Variants in PSD3 observed in about 807,000 individuals in gnomAD.
The protein encoded by PSD3 is pleckstrin and Sec7 domain containing 3, also known as PH and SEC7 domain-containing protein 3.
A neutral mutation model predicts 105.5 loss-of-function variants in PSD3; 49 were observed. The ratio of observed to expected loss-of-function variants is 0.46; its 90% CI spans 0.37 to 0.59. The LOEUF is 0.59. PSD3 is among the 20% of genes least tolerant of loss of function. The pLI, the probability that PSD3 is intolerant of heterozygous loss-of-function variation, is 0.00. For missense variants in PSD3, 1,561 were observed against 1,263.8 expected (o/e 1.24, Z -3.57); for synonymous variants, 557 against 457.8 (o/e 1.22, Z -2.77).
At chr8:19,061,246 C>T (rs968767322) in intron 1 of PSD3, among the ~76,000 whole-genome samples, 38 of 151,980 alleles carry the variant, frequency 2.5e-4, no homozygotes, top group Admixed American at 2.5e-3. Flanking sequence ...ATTGAGAAAA[C>T]AAACAAACAA....
chr8:18,619,993 G>T (rs11785213), intron 11 of PSD3, among the ~76,000 whole-genome samples: 1 of 152,196 alleles, frequency 6.6e-6, no homozygotes, highest in East Asian at 1.9e-4. Flanking sequence ...TCAAAAGTCT[G>T]AAAAGAGACA....
At chr8:18,572,328 G>A (rs760375700) in intron 14 of PSD3, among the ~76,000 whole-genome samples, 200 bp downstream of exon 14, 1 of 152,148 alleles carries the variant, frequency 6.6e-6, no homozygotes, top group East Asian at 1.9e-4. Context: ...CCTACTAACT[G>A]AGACTCAATT....
chr8:18,839,199 C>G (rs566282320), intron 4 of PSD3, among the ~76,000 whole-genome samples: 17 of 152,158 alleles, frequency 1.1e-4, no homozygotes, highest in African/African-American at 4.1e-4. Flanking sequence ...ATACCATTTA[C>G]AAGTGTAAAT....
At chr8:18,896,216 T>C (rs1024685048) in intron 2 of PSD3, among the ~76,000 whole-genome samples, 1 of 152,280 alleles carries the variant, frequency 6.6e-6, no homozygotes, top group African/African-American at 2.4e-5. Flanking sequence ...TGCTTTCATC[T>C]GCTGATGGAC....
intron 1 of PSD3, among the ~76,000 whole-genome samples, chr8:18,970,828 A>G (rs777525416): frequency 1.3e-5 from 2 of 151,848 alleles, no homozygotes; most frequent in Non-Finnish European, 2.9e-5. Flanking sequence ...GGCGGTGTGC[A>G]CCTGTAGTAC....
intron 2 of PSD3, among the ~76,000 whole-genome samples, chr8:18,903,889 C>T (rs1819671269): frequency 6.6e-6 from 1 of 152,112 alleles, no homozygotes; most frequent in African/African-American, 2.4e-5. Context: ...AGTACTGTTT[C>T]CCCAGGAGAA....
At chr8:18,944,961 G>A (rs926063551) in intron 1 of PSD3, among the ~76,000 whole-genome samples, 1 of 152,012 alleles carries the variant, frequency 6.6e-6, no homozygotes, top group African/African-American at 2.4e-5. Flanking sequence ...AACAAAACTG[G>A]TTCCTTTCGA....
chr8:18,544,680 T>C (rs1387995985), intron 15 of PSD3, among the ~76,000 whole-genome samples: 3 of 152,196 alleles, frequency 2.0e-5, no homozygotes, highest in Non-Finnish European at 4.4e-5. Context: ...TACTTTTTAA[T>C]ATAATGGTAC....
chr8:18,697,196 A>G lies in PSD3; in HGVS notation c.2173-41511T>C, dbSNP rs76133995. ...CTGGTGTGTATTTTACACTCCCAGA[A>G]TATCTCAATTTGGACTAGCCAGGTA... is the stretch of plus-strand genomic sequence containing the variant. On this transcript the variant is annotated intron_variant, in intron 9 of 15. Transcript: ENST00000327040. 7.6e-3 allele frequency among the ~76,000 whole-genome samples: 1,155 copies of G among 152,338 alleles called. 11 individuals carry two copies. Among genetic ancestry groups the G allele is most frequent in the South Asian group, 0.029 (142 of 4,820 alleles).
chr8:18,779,598 C>G (rs1411246280), intron 8 of PSD3, among the ~76,000 whole-genome samples: 2 of 152,088 alleles, frequency 1.3e-5, no homozygotes, highest in African/African-American at 4.8e-5. Flanking sequence ...ATCCTTTTAT[C>G]ATGGCTTTTG....
chr8:18,809,027 C>G, intron 4 of PSD3: 1 of 998,500 alleles, frequency 1.0e-6, no homozygotes, highest in African/African-American at 1.6e-5. Context: ...CTATCGAGAA[C>G]GTAAGAAACA....
chr8:19,074,997 G>C (rs370975238), intron 1 of PSD3, among the ~76,000 whole-genome samples: 1 of 151,184 alleles, frequency 6.6e-6, no homozygotes, highest in African/African-American at 2.4e-5. Context: ...CCAGACTGGA[G>C]TACAGTGGTG....
chr8:18,899,037 G>A (rs1311736713), intron 2 of PSD3, among the ~76,000 whole-genome samples: 4 of 152,096 alleles, frequency 2.6e-5, no homozygotes, highest in Admixed American at 2.0e-4. Flanking sequence ...TGATAGAAGG[G>A]TCAACATCAT....
At chr8:18,853,176 G>A (rs760517000) in intron 4 of PSD3, among the ~76,000 whole-genome samples, 3 of 151,970 alleles carry the variant, frequency 2.0e-5, no homozygotes, top group Non-Finnish European at 4.4e-5. Context: ...CCAAACAGAA[G>A]AGGCAAAATT....
chr8:18,722,772 C>G (rs1047391508), intron 9 of PSD3, among the ~76,000 whole-genome samples: 1 of 152,180 alleles, frequency 6.6e-6, no homozygotes, highest in South Asian at 2.1e-4. Context: ...CCCCTTCCAT[C>G]TGCCTAAATC....
intron 1 of PSD3, among the ~76,000 whole-genome samples, chr8:19,073,773 A>T (rs1052328215): frequency 1.3e-5 from 2 of 148,892 alleles, no homozygotes; most frequent in Non-Finnish European, 3.0e-5. Flanking sequence ...CTATTCAAAC[A>T]TCAGAATTGT....
chr8:18,945,014 C>T (rs1563449524), intron 1 of PSD3, among the ~76,000 whole-genome samples: 1 of 152,094 alleles, frequency 6.6e-6, no homozygotes, highest in Admixed American at 6.6e-5. Flanking sequence ...ACTAGCTGTG[C>T]TTACTGTTAT....
Position 18,804,579 on chromosome 8 carries a change from G to C in PSD3, c.1853C>G (p.Ala618Gly), listed in dbSNP as rs752487150. 1 of 1,613,420 alleles carries C rather than the reference G, an allele frequency of 6.2e-7. No individual in the cohort carries two copies. The change falls in exon 6 of 16, where the codon GCA becomes GGA. Residue 618 changes from alanine (A) to glycine (G), a missense_variant. By Grantham distance (60) the Ala-to-Gly change is moderately conservative (BLOSUM62 0). Coordinates refer to ENST00000327040, the MANE Select transcript of PSD3 (RefSeq NM_015310.4). ...ATCAAAAAACTTCAGATATTCTTCTGCAACTAGTTTGCTAAATTCGTTGCT... is the reference window on the plus strand; with the variant it reads ...ATCAAAAAACTTCAGATATTCTTCTCCAACTAGTTTGCTAAATTCGTTGCT... ...GKNNEFSKLV[A>G]EEYLKFFDFT...
chr8:18,587,918 G>C (rs1270729174), intron 12 of PSD3, among the ~76,000 whole-genome samples: 3 of 152,120 alleles, frequency 2.0e-5, no homozygotes, highest in Admixed American at 2.0e-4. Flanking sequence ...TGTAGCATCT[G>C]CTATCACATG....
Sources: gnomAD v4.1 joint callset for allele counts (sites outside exome capture counted in the v4.1 genomes callset) on GRCh38, gnomAD v4.1.1 for gene constraint, MANE v1.5 for transcripts, NCBI Gene and HGNC (gene_info 2026-07-23, HGNC 2026-07-21) for gene names.